Variants in ZEB1 observed in about 807,000 individuals in gnomAD.
The protein encoded by ZEB1 is zinc finger E-box-binding homeobox 1.
A neutral mutation model predicts 84.9 loss-of-function variants in ZEB1; 21 were observed. The ratio of observed to expected loss-of-function variants is 0.25; its 90% CI spans 0.18 to 0.36. ZEB1 has a LOEUF of 0.36. Ranked by LOEUF, ZEB1 falls within the 10% of genes least tolerant of loss-of-function variation. The pLI is 1.00. For synonymous variants in ZEB1, 420 were observed against 471.1 expected, an observed-to-expected ratio of 0.89 and a Z score of 1.41; for missense variants, 1,104 against 1,330.2, an observed-to-expected ratio of 0.83 and a Z score of 2.65.
intron 1 of ZEB1, among the ~76,000 whole-genome samples, chr10:31,440,214 T>C (rs1056935161): frequency 1.3e-5 from 2 of 152,126 alleles, no homozygotes; most frequent in Non-Finnish European, 2.9e-5. Context: ...TTTACTGAAA[T>C]AGAGAAGACT....
intron 1 of ZEB1, among the ~76,000 whole-genome samples, chr10:31,429,206 C>G (rs2057368206): frequency 6.6e-6 from 1 of 152,132 alleles, no homozygotes; most frequent in Admixed American, 6.6e-5. Flanking sequence ...TGGTAACGGT[C>G]TTTCCTTTCC....
chr10:31,452,182 A>G (rs2060639038), intron 1 of ZEB1, among the ~76,000 whole-genome samples: 1 of 152,148 alleles, frequency 6.6e-6, no homozygotes, highest in Admixed American at 6.6e-5. Context: ...TAGAATTACT[A>G]AAATCTAACA....
intron 3 of ZEB1, among the ~76,000 whole-genome samples, chr10:31,501,621 T>TCC (rs150705107): frequency 6.7e-6 from 1 of 148,676 alleles, no homozygotes; most frequent in Admixed American, 6.8e-5. Flanking sequence ...AAAGTAGAGC[T>TCC]CCCCCCCCCA....
chr10:31,519,520 A>G (rs2071852656), intron 6 of ZEB1, among the ~76,000 whole-genome samples: 1 of 152,200 alleles, frequency 6.6e-6, no homozygotes, highest in South Asian at 2.1e-4. Flanking sequence ...AGGTGCTTTG[A>G]TACCCACTAC....
intron 2 of ZEB1, among the ~76,000 whole-genome samples, chr10:31,472,730 C>A (rs1270397248): frequency 7.2e-6 from 1 of 138,578 alleles, no homozygotes; most frequent in African/African-American, 3.1e-5. Flanking sequence ...CATTCTGATA[C>A]CAAAGCCTGG....
At chr10:31,458,817 G>C (rs1365405346) in intron 1 of ZEB1, among the ~76,000 whole-genome samples, 1 of 152,056 alleles carries the variant, frequency 6.6e-6, no homozygotes, top group African/African-American at 2.4e-5. Flanking sequence ...ATAGATCATA[G>C]GTTGAAGTAT....
chr10:31,487,045 T>C (rs1205197664), intron 2 of ZEB1, among the ~76,000 whole-genome samples: 1 of 151,422 alleles, frequency 6.6e-6, no homozygotes, highest in Non-Finnish European at 1.5e-5. Context: ...TATATTTGCA[T>C]TTTTGTCAGA....
intron 1 of ZEB1, among the ~76,000 whole-genome samples, chr10:31,329,548 T>G (rs952550999): frequency 3.9e-5 from 6 of 152,190 alleles, no homozygotes; most frequent in Admixed American, 3.3e-4. Flanking sequence ...GAGTCAATAC[T>G]TAAGAGTACA....
chr10:31,380,294 C>G (rs1470858693), intron 1 of ZEB1, among the ~76,000 whole-genome samples: 1 of 152,096 alleles, frequency 6.6e-6, no homozygotes, highest in Non-Finnish European at 1.5e-5. Context: ...CCTGTAGCCT[C>G]TGAATTTCCT....
At chr10:31,387,427 G>A (rs943355260) in intron 1 of ZEB1, among the ~76,000 whole-genome samples, 2 of 152,072 alleles carry the variant, frequency 1.3e-5, no homozygotes, top group African/African-American at 4.8e-5. Flanking sequence ...GGTGCTTTTC[G>A]TTATTTAGAA....
At chr10:31,415,194 T>TA (rs1308112993) in intron 1 of ZEB1, among the ~76,000 whole-genome samples, 14 of 152,130 alleles carry the variant, frequency 9.2e-5, no homozygotes, top group African/African-American at 1.4e-4. Flanking sequence ...TTCAATAGAA[T>TA]TAACTGTTCG....
chr10:31,427,009 A>T (rs2057023130), intron 1 of ZEB1, among the ~76,000 whole-genome samples: 1 of 152,168 alleles, frequency 6.6e-6, no homozygotes, highest in East Asian at 1.9e-4. Context: ...ATTATTAAGA[A>T]TAGGAAAATA....
chr10:31,341,347 G>A (rs1472382473), intron 1 of ZEB1, among the ~76,000 whole-genome samples: 1 of 152,046 alleles, frequency 6.6e-6, no homozygotes, highest in African/African-American at 2.4e-5. Context: ...AGTAGGACTC[G>A]ATGCTTGGAA....
chr10:31,526,958 CGAGA>C lies in ZEB1; in HGVS notation c.3080_3083del (p.Glu1027ValfsTer2). On this transcript the variant is annotated frameshift_variant, in exon 9 of 9. Transcript: ENST00000424869. LOFTEE classifies it low-confidence loss of function (END_TRUNC). ...CGTCTCCCTCACAGGGCGACTCGGA[CGAGA>C]GAGAGAGTTTGACAAGGGAAGAGGA... 6.2e-7 allele frequency: 1 copy of C among 1,612,746 alleles called. No homozygotes were observed. The highest frequency in any genetic ancestry group is 8.5e-7 in the Non-Finnish European group (1 of 1,179,754).
At chr10:31,390,074 C>T (rs1220063937) in intron 1 of ZEB1, among the ~76,000 whole-genome samples, 1 of 152,086 alleles carries the variant, frequency 6.6e-6, no homozygotes, top group Admixed American at 6.6e-5. Context: ...AAAAACAAAA[C>T]AAAACAGGAT....
At chr10:31,499,979 A>C (rs2067879473) in intron 3 of ZEB1, among the ~76,000 whole-genome samples, 1 of 152,108 alleles carries the variant, frequency 6.6e-6, no homozygotes, top group African/African-American at 2.4e-5. Flanking sequence ...TTCATATATA[A>C]AATACAGATC....
intron 1 of ZEB1, chr10:31,360,903 A>G: frequency 7.1e-7 from 1 of 1,409,692 alleles, no homozygotes; most frequent in Non-Finnish European, 9.9e-7. Context: ...AACCTGAAAC[A>G]GTACTGCATG....
chr10:31,462,972 T>G (rs183222146), intron 2 of ZEB1, among the ~76,000 whole-genome samples: 1 of 152,282 alleles, frequency 6.6e-6, no homozygotes, highest in East Asian at 1.9e-4. Context: ...TTAGATACAG[T>G]CCCAGGTTTC....
At position 31,521,289 on chromosome 10, in the gene ZEB1, G is replaced by C; in HGVS notation, c.1957G>C (p.Val653Leu). The part of the protein sequence containing the change: ...SEPSSPEPGK[V>L]NIPAKNNDQP... ...ACCATCTTCTCCTGAACCAGGCAAAGTAAATATCCCTGCCAAGAACAATGA... is the reference window on the plus strand; with the variant it reads ...ACCATCTTCTCCTGAACCAGGCAAACTAAATATCCCTGCCAAGAACAATGA... Residue 653 changes from valine (V) to leucine (L), a missense_variant, in exon 7 of 9, where the codon GTA becomes CTA. Coordinates refer to ENST00000424869, the MANE Select transcript of ZEB1 (RefSeq NM_001174096.2). The C allele has an allele frequency of 6.2e-7, 1 of 1,614,064 alleles. No individual in the cohort carries two copies. Among genetic ancestry groups the C allele is most frequent in the Admixed American group, 1.7e-5 (1 of 60,004 alleles).
Sources: gnomAD v4.1 joint callset for allele counts (sites outside exome capture counted in the v4.1 genomes callset) on GRCh38, gnomAD v4.1.1 for gene constraint, MANE v1.5 for transcripts, NCBI Gene and HGNC (gene_info 2026-07-23, HGNC 2026-07-21) for gene names.